SLC35F4: variants seen among roughly 807,000 people sequenced by gnomAD.
SLC35F4 encodes the protein solute carrier family 35 member F4, also known as chromosome 14 open reading frame 36.
In SLC35F4, 24 loss-of-function variants were observed where a neutral mutation model predicts 44.2. That is an observed-to-expected ratio of 0.54 (90% confidence interval 0.39 to 0.76). The LOEUF (loss-of-function observed/expected upper bound fraction) is 0.76. SLC35F4 is among the 30% of genes least tolerant of loss of function. SLC35F4 has a pLI of 0.00. For synonymous variants in SLC35F4, 238 were observed against 223.6 expected, an observed-to-expected ratio of 1.06 and a Z score of -0.57; for missense variants, 562 against 586.1, an observed-to-expected ratio of 0.96 and a Z score of 0.42.
intron 1 of SLC35F4, among the ~76,000 whole-genome samples, chr14:57,807,413 C>T (rs1881455464): frequency 6.6e-6 from 1 of 151,944 alleles, no homozygotes; most frequent in Admixed American, 6.5e-5. Context: ...CTCCCTCCTG[C>T]CTCCAAGCAG....
At position 57,564,288 on chromosome 14, in the gene SLC35F4, C is replaced by A; in HGVS notation, c.1305G>T (p.Leu435=). ...IIICIGFLLM[L]LPEEWDEITL... is the part of the protein sequence containing the mutation. The stretch of plus-strand genomic sequence containing the variant: ...TGATTTCATCCCATTCCTCAGGCAA[C>A]AGCATCAGCAGAAACCCAATGCAGA... Residue 435 remains leucine (L), a synonymous_variant, in exon 8 of 8, where the codon CTG becomes CTT. Coordinates refer to ENST00000556826, the MANE Select transcript of SLC35F4 (RefSeq NM_001306087.2). 1 of 1,612,828 alleles carries A rather than the reference C, an allele frequency of 6.2e-7. No individual in the cohort carries two copies. The highest frequency in any genetic ancestry group is 8.5e-7 in the Non-Finnish European group (1 of 1,179,478).
At chr14:57,589,632 GTT>G in intron 2 of SLC35F4, 119 bp from the exon 3 acceptor site, 1 of 1,096,658 alleles carries the variant, frequency 9.1e-7, no homozygotes, top group Non-Finnish European at 1.3e-6. Flanking sequence ...AATTACCAGT[GTT>G]TTTCTTTTCT....
intron 1 of SLC35F4, among the ~76,000 whole-genome samples, chr14:57,863,341 G>A (rs959240473): frequency 6.6e-6 from 1 of 152,204 alleles, no homozygotes; most frequent in East Asian, 1.9e-4. Flanking sequence ...TTCTGAACAA[G>A]GTACAAGCAA....
chr14:57,866,034 G>T lies in SLC35F4; in HGVS notation c.-209C>A, dbSNP rs770113586. The T allele has an allele frequency of 3.1e-6, 1 of 318,002 alleles. No individual in the cohort carries two copies. Among genetic ancestry groups the T allele is most frequent in the Non-Finnish European group, 5.6e-6 (1 of 179,688 alleles). The allele number at this position is 318,002 out of a possible 1,614,324, so 19.7% of individuals were successfully genotyped here. A position where few individuals can be genotyped will look rare whatever the true frequency, so the allele number is the denominator to read the frequency against. ...CGGCGGAGCGGCCCCCACTCGGGCCGGCCTCTCCGTCAGCCTGGCAGCTCT... is the reference window on the plus strand; with the variant it reads ...CGGCGGAGCGGCCCCCACTCGGGCCTGCCTCTCCGTCAGCCTGGCAGCTCT... On this transcript the variant is annotated 5_prime_UTR_variant, in exon 1 of 8. Coordinates refer to ENST00000556826, the MANE Select transcript of SLC35F4 (RefSeq NM_001306087.2).
chr14:57,864,899 G>A (rs1694614215), intron 1 of SLC35F4, among the ~76,000 whole-genome samples: 1 of 152,188 alleles, frequency 6.6e-6, no homozygotes, highest in South Asian at 2.1e-4. Context: ...TGTGTACTGG[G>A]GGAGGGGGAC....
chr14:57,659,982 A>G (rs1381426717), intron 1 of SLC35F4, among the ~76,000 whole-genome samples: 1 of 152,202 alleles, frequency 6.6e-6, no homozygotes, highest in African/African-American at 2.4e-5. Flanking sequence ...GTACCCACCA[A>G]TTCAATCCCA....
rs1358191521 is a variant in SLC35F4 at position 57,718,078 on chromosome 14, C to T, written c.104-123954G>A. Among the ~76,000 whole-genome samples the T allele has an allele frequency of 2.0e-5, 3 of 152,178 alleles. No homozygotes were observed. The East Asian group carries it at 5.8e-4, about 29-fold the overall frequency. ...CCTTTATTCTCTATCTCCATGAATT[C>T]AATTGTTTTGATTGCTGGATTACAC... On this transcript the variant is annotated intron_variant, in intron 1 of 7. Coordinates refer to ENST00000556826, the MANE Select transcript of SLC35F4 (RefSeq NM_001306087.2).
chr14:57,752,667 G>T (rs2076912945), intron 1 of SLC35F4, among the ~76,000 whole-genome samples: 3 of 151,932 alleles, frequency 2.0e-5, no homozygotes, highest in Non-Finnish European at 4.4e-5. Context: ...CACCACGTTG[G>T]CCAGGATGGT....
chr14:57,959,696 T>C (rs1890306419), intron 1 of SLC35F4, among the ~76,000 whole-genome samples: 2 of 152,122 alleles, frequency 1.3e-5, no homozygotes, highest in African/African-American at 4.8e-5. Context: ...TTATCTTCCA[T>C]TGAGCCCCAT....
intron 1 of SLC35F4, among the ~76,000 whole-genome samples, chr14:57,681,135 C>T (rs867512983): frequency 6.6e-6 from 1 of 152,068 alleles, no homozygotes; most frequent in Non-Finnish European, 1.5e-5. Context: ...TATAAGGTTA[C>T]AGTAACCAAA....
rs374953085 is a variant in SLC35F4, at chr14:57,574,402, CAG to C, written c.808-2385_808-2384del. ...GCAGTGTCTCTTTCAATTGCCTTCA[CAG>C]AGAGAAGCATTTTTCACTTTAGGGG... On this transcript the variant is annotated intron_variant, in intron 4 of 7. Transcript: ENST00000556826. 7.8e-4 allele frequency among the ~76,000 whole-genome samples: 118 copies of C among 152,238 alleles called. 1 individual carries two copies. Among genetic ancestry groups the C allele is most frequent in the African/African-American group, 2.7e-3 (112 of 41,538 alleles).
chr14:57,919,100 T>C (rs1889388961), intron 1 of SLC35F4, among the ~76,000 whole-genome samples: 1 of 152,138 alleles, frequency 6.6e-6, no homozygotes, highest in Non-Finnish European at 1.5e-5. Context: ...TTTTCCATGG[T>C]TTGGATGCAG....
At chr14:57,839,024 C>A (rs182470851) in intron 1 of SLC35F4, among the ~76,000 whole-genome samples, 2 of 152,224 alleles carry the variant, frequency 1.3e-5, no homozygotes, top group Admixed American at 1.3e-4. Context: ...TAAATTAATT[C>A]TCAGATAAGG....
chr14:57,833,901 G>A (rs1462712862), intron 1 of SLC35F4, among the ~76,000 whole-genome samples: 1 of 152,148 alleles, frequency 6.6e-6, no homozygotes, highest in African/African-American at 2.4e-5. Context: ...CAGAAACCAA[G>A]CAACAGCCTC....
intron 1 of SLC35F4, among the ~76,000 whole-genome samples, chr14:57,893,717 T>C (rs2141040627): frequency 6.6e-6 from 1 of 152,174 alleles, no homozygotes; most frequent in East Asian, 1.9e-4. Context: ...CTTTAAAGTT[T>C]CAATCCCAAC....
intron 1 of SLC35F4, among the ~76,000 whole-genome samples, chr14:57,740,822 T>C (rs1456421343): frequency 6.6e-6 from 1 of 152,210 alleles, no homozygotes; most frequent in African/African-American, 2.4e-5. Flanking sequence ...ACAGACATAC[T>C]GCCTCCTCAA....
chr14:57,665,719 G>C (rs951769215), intron 1 of SLC35F4, among the ~76,000 whole-genome samples: 18 of 152,148 alleles, frequency 1.2e-4, no homozygotes, highest in Non-Finnish European at 1.9e-4. Flanking sequence ...CAAAGACCTG[G>C]AATCGATCTA....
chr14:57,785,133 T>C (rs929088128), intron 1 of SLC35F4, among the ~76,000 whole-genome samples: 3 of 152,244 alleles, frequency 2.0e-5, no homozygotes, highest in Admixed American at 1.3e-4. Context: ...TTTGTGCCTC[T>C]AACCCCTGCC....
chr14:57,957,176 A>G (rs1263068972), intron 1 of SLC35F4, among the ~76,000 whole-genome samples: 4 of 152,222 alleles, frequency 2.6e-5, no homozygotes, highest in Non-Finnish European at 5.9e-5. Context: ...ATTCTCAGCA[A>G]ACTAACACAA....
Sources: allele counts gnomAD v4.1 joint callset (sites outside exome capture counted in the v4.1 genomes callset), GRCh38; gene constraint gnomAD v4.1.1; transcripts MANE v1.5; gene names NCBI Gene and HGNC (gene_info 2026-07-23, HGNC 2026-07-21).